Variants in MCRIP1 observed in about 807,000 individuals in gnomAD.
The protein encoded by MCRIP1 is mapk-regulated corepressor-interacting protein 1.
Under a neutral mutation model 14.4 loss-of-function variants are expected in MCRIP1, and 10 were observed. The observed-to-expected ratio is 0.70, with a 90% CI of 0.43 to 1.18. The LOEUF (loss-of-function observed/expected upper bound fraction) is 1.18, where lower values mean the gene tolerates loss of function less well. MCRIP1 is among the 50% of genes most tolerant of loss of function. The pLI is 0.00. For synonymous variants in MCRIP1, 53 were observed against 55.7 expected (o/e 0.95, Z 0.21); for missense variants, 119 against 135.4 (o/e 0.88, Z 0.60).
In MCRIP1 at chr17:81,824,635, T is replaced by C. The variant is rs993607699; in HGVS notation, c.-48-81A>G. The C allele has an allele frequency of 5.9e-6, 9 of 1,529,824 alleles. No individual in the cohort carries two copies. In the African/African-American group the frequency reaches 1.1e-4, roughly 19 times the overall value. 94.8% of individuals were successfully genotyped at this position (1,529,824 alleles called of 1,614,324 possible). The stretch of plus-strand genomic sequence containing the variant: ...AGGAGGGGGAGGCGCAGGGCACACC[T>C]GCCTCCTCCCTTCAGATGTGAACAA... On this transcript the variant is annotated intron_variant, in intron 1 of 4. Coordinates refer to ENST00000455127, the MANE Select transcript of MCRIP1 (RefSeq NM_207368.5).
In MCRIP1 at chr17:81,823,688, C is replaced by A; in HGVS notation, c.128-175G>T. The A allele has an allele frequency of 3.2e-6, 2 of 621,698 alleles. No individual in the cohort carries two copies. The highest frequency in any genetic ancestry group is 5.7e-6 in the Non-Finnish European group (2 of 350,504). 38.5% of individuals were successfully genotyped at this position (621,698 alleles called of 1,614,324 possible). ...CCCAGCCTCACTCACCTGCAGACCC[C>A]GTCCCCGCTCCTCTGGCAGGCCTGT... On this transcript the variant is annotated intron_variant, in intron 3 of 4. Coordinates refer to ENST00000455127, the MANE Select transcript of MCRIP1 (RefSeq NM_207368.5). The surrounding 1 kb of genome is among the most constrained non-coding windows in gnomAD (Gnocchi z 6.0).
At chr17:81,831,561 C>T (rs2038520589) in intron 1 of MCRIP1, among the ~76,000 whole-genome samples, 2 of 152,050 alleles carry the variant, frequency 1.3e-5, no homozygotes, top group African/African-American at 4.8e-5. Flanking sequence ...CCACCAGCCA[C>T]AGCAAACACT....
chr17:81,829,753 C>A (rs1429290868), intron 1 of MCRIP1, among the ~76,000 whole-genome samples: 1 of 152,138 alleles, frequency 6.6e-6, no homozygotes, highest in Non-Finnish European at 1.5e-5. Flanking sequence ...TCTCCCCTTC[C>A]CCTCAAAGTC....
intron 1 of MCRIP1, among the ~76,000 whole-genome samples, chr17:81,826,984 G>A (rs2038417036): frequency 6.6e-6 from 1 of 151,656 alleles, no homozygotes; most frequent in Non-Finnish European, 1.5e-5. Context: ...TGGATGTGGT[G>A]GTGGGCACCT....
chr17:81,827,776 ATTTTT>A (rs757592037), intron 1 of MCRIP1, among the ~76,000 whole-genome samples: 2 of 110,770 alleles, frequency 1.8e-5, no homozygotes, highest in Non-Finnish European at 3.6e-5. Context: ...GCACCCATAC[ATTTTT>A]TTTTTTTTTT....
rs1598251449 is a variant in MCRIP1, at chr17:81,826,454, T to A, written c.-48-1900A>T. 12 of 1,394,814 alleles carry A rather than the reference T, an allele frequency of 8.6e-6. No homozygotes were observed. In the East Asian group the frequency reaches 3.0e-4, roughly 35 times the overall value. The allele number at this position is 1,394,814 out of a possible 1,614,324, so 86.4% of individuals were successfully genotyped here. A position where few individuals can be genotyped will look rare whatever the true frequency, so the allele number is the denominator to read the frequency against. Reference sequence around the variant, plus strand: ...GGGAGGACTGCTTGAGCCCAGGAGGTCAAGGCTGCAGGGAGCCAAGATCGT... The same window carrying A: ...GGGAGGACTGCTTGAGCCCAGGAGGACAAGGCTGCAGGGAGCCAAGATCGT... On this transcript the variant is annotated intron_variant, in intron 1 of 4. Transcript: ENST00000455127.
At chr17:81,825,498 A>G in intron 1 of MCRIP1, 1 of 1,217,038 alleles carries the variant, frequency 8.2e-7, no homozygotes, top group Non-Finnish European at 1.0e-6. Context: ...CTGCCCACCC[A>G]GAGGCCCAAG....
intron 1 of MCRIP1, chr17:81,825,680 C>T (rs1267332951): frequency 7.8e-7 from 1 of 1,289,430 alleles, no homozygotes; most frequent in East Asian, 5.6e-5. Flanking sequence ...AGAAAACCAG[C>T]TCCCAGCCCT....
intron 3 of MCRIP1, 89 bp downstream of exon 3, chr17:81,824,195 CAGG>C: frequency 9.7e-7 from 1 of 1,033,432 alleles, no homozygotes; most frequent in Non-Finnish European, 1.4e-6. Context: ...GCAGGGGCCG[CAGG>C]AGGTTCCTCG....
At chr17:81,826,020 G>A (rs767505873) in intron 1 of MCRIP1, 17 of 1,390,234 alleles carry the variant, frequency 1.2e-5, no homozygotes, top group Non-Finnish European at 1.4e-5. Context: ...GCTGCTTTAG[G>A]GGTACCTGCC....
Position 81,823,236 on chromosome 17 carries a change from C to T in MCRIP1, c.*11G>A, listed in dbSNP as rs2038308811. The T allele has an allele frequency of 6.5e-7, 1 of 1,536,076 alleles. No individual in the cohort carries two copies. The highest frequency in any genetic ancestry group is 8.7e-7 in the Non-Finnish European group (1 of 1,146,732). ...TGATCTTCCGGAGGCCGGGGAGGGG[C>T]ACCGGGCGCTCTAGGACTTCTTGGC... On this transcript the variant is annotated 3_prime_UTR_variant, in exon 5 of 5. Transcript: ENST00000455127. The surrounding 1 kb of genome is among the most constrained non-coding windows in gnomAD (Gnocchi z 6.0).
chr17:81,825,954 G>A, intron 1 of MCRIP1: 1 of 1,309,952 alleles, frequency 7.6e-7, no homozygotes, highest in Non-Finnish European at 1.0e-6. Context: ...TCAGGTAACA[G>A]GTAGACTGGC....
chr17:81,832,217 G>A (rs1231112127), intron 1 of MCRIP1, among the ~76,000 whole-genome samples: 2 of 152,178 alleles, frequency 1.3e-5, no homozygotes, highest in Non-Finnish European at 2.9e-5. Flanking sequence ...GCTAGAAAAT[G>A]ATCTATTGCC....
rs564448022 is a variant in MCRIP1, at chr17:81,823,131, G to A, written c.*116C>T. 1 of 974,900 alleles carries A rather than the reference G, an allele frequency of 1.0e-6. No homozygotes were observed. Among genetic ancestry groups the A allele is most frequent in the Non-Finnish European group, 1.6e-6 (1 of 640,282 alleles). The allele number at this position is 974,900 out of a possible 1,614,324, so 60.4% of individuals were successfully genotyped here. On this transcript the variant is annotated 3_prime_UTR_variant, in exon 5 of 5. Transcript: ENST00000455127. This position sits in a 1 kb window ranked among gnomAD's most constrained non-coding sequence, Gnocchi z 6.0. ...CAGCCGTCAGTCACGCCAGTGCTGG[G>A]ATCTGCAGCCCGCTGGAGCAAGGCA...
In MCRIP1 at chr17:81,822,922, G is replaced by A; in HGVS notation, c.*325C>T. The A allele has an allele frequency of 5.8e-6, 3 of 513,886 alleles. No individual in the cohort carries two copies. The South Asian group carries it at 7.0e-5, about 12-fold the overall frequency. The allele number at this position is 513,886 out of a possible 1,614,324, so 31.8% of individuals were successfully genotyped here. On this transcript the variant is annotated 3_prime_UTR_variant, in exon 5 of 5. Transcript: ENST00000455127. ...CCCTCCTGATCCTGCAGTGGCCAGGGGCAGGAGGGTGAGGGGAGAGGAGAG... is the reference window on the plus strand; with the variant it reads ...CCCTCCTGATCCTGCAGTGGCCAGGAGCAGGAGGGTGAGGGGAGAGGAGAG...
chr17:81,825,572 G>A (rs781131792), intron 1 of MCRIP1: 4 of 1,288,812 alleles, frequency 3.1e-6, no homozygotes, highest in South Asian at 2.5e-5. Flanking sequence ...CTGAGGCTTC[G>A]AGTCCTCTCT....
intron 1 of MCRIP1, chr17:81,824,896 A>T: frequency 2.5e-6 from 3 of 1,180,410 alleles, no homozygotes; most frequent in Non-Finnish European, 2.1e-6. Flanking sequence ...GCCCCTCCCC[A>T]CGTGGGCTGG....
At chr17:81,830,213 G>A (rs2038489316) in intron 1 of MCRIP1, among the ~76,000 whole-genome samples, 1 of 152,258 alleles carries the variant, frequency 6.6e-6, no homozygotes. Flanking sequence ...AGGCTCGCCT[G>A]CTCCAATAGG....
At chr17:81,826,425 G>A in intron 1 of MCRIP1, 1 of 1,522,154 alleles carries the variant, frequency 6.6e-7, no homozygotes, top group East Asian at 2.4e-5. Context: ...TCAGAGGCTG[G>A]GGTGGGAGGA....
Sources: gnomAD v4.1 joint callset for allele counts (sites outside exome capture counted in the v4.1 genomes callset) on GRCh38, gnomAD v4.1.1 for gene constraint, Gnocchi (gnomAD v3.1) non-coding constraint, MANE v1.5 for transcripts, NCBI Gene and HGNC (gene_info 2026-07-23, HGNC 2026-07-21) for gene names.